ZZZ3: variants seen among roughly 807,000 people sequenced by gnomAD.
ZZZ3 encodes ZZ-type zinc finger-containing protein 3.
Under a neutral mutation model 95.2 loss-of-function variants are expected in ZZZ3, and 22 were observed. The observed-to-expected ratio is 0.23, with a 90% CI of 0.17 to 0.33. The LOEUF (loss-of-function observed/expected upper bound fraction) is 0.33. Ranked by LOEUF, ZZZ3 falls within the 10% of genes least tolerant of loss-of-function variation. The probability of loss-of-function intolerance (pLI) is 1.00; values close to 1 mark genes in which losing one functional copy is unlikely to be tolerated. For synonymous variants in ZZZ3, 335 were observed against 358.9 expected, an observed-to-expected ratio of 0.93 and a Z score of 0.75; for missense variants, 885 against 1,066.5, an observed-to-expected ratio of 0.83 and a Z score of 2.37.
intron 1 of ZZZ3, among the ~76,000 whole-genome samples, chr1:77,671,000 GT>G (rs1040709913): frequency 3.6e-5 from 5 of 138,200 alleles, no homozygotes; most frequent in East Asian, 2.5e-4. Context: ...CAGTAACACT[GT>G]TTTTTTGGGG....
rs996716118 is a variant in ZZZ3 at position 77,568,409 on chromosome 1, G to C, written c.2389C>G (p.Gln797Glu). 6.5e-7 allele frequency: 1 copy of C among 1,529,098 alleles called. No homozygotes were observed. Among genetic ancestry groups the C allele is most frequent in the Non-Finnish European group, 8.9e-7 (1 of 1,124,876 alleles). 94.7% of individuals were successfully genotyped at this position (1,529,098 alleles called of 1,614,324 possible). A position where few individuals can be genotyped will look rare whatever the true frequency, so the allele number is the denominator to read the frequency against. The change falls in exon 13 of 15, where the codon CAG becomes GAG. Residue 797 changes from glutamine (Q) to glutamate (E), a missense_variant. Transcript: ENST00000370801. ...RNLPEYKELL[Q>E]FKKLKKQKLQ... is the part of the protein sequence containing the mutation. ...TTCTGCTTCTTTAACTTTTTAAACTGTAATAGTTCTTTATATTCAGGTAAA... is the reference window on the plus strand; with the variant it reads ...TTCTGCTTCTTTAACTTTTTAAACTCTAATAGTTCTTTATATTCAGGTAAA...
chr1:77,581,300 T>C (rs1029668520), intron 8 of ZZZ3, among the ~76,000 whole-genome samples: 4 of 152,158 alleles, frequency 2.6e-5, no homozygotes, highest in Admixed American at 6.5e-5. Context: ...AATAGTACTG[T>C]AACTTCATTT....
At chr1:77,655,209 C>G (rs1670162260) in intron 1 of ZZZ3, among the ~76,000 whole-genome samples, 1 of 152,174 alleles carries the variant, frequency 6.6e-6, no homozygotes, top group Non-Finnish European at 1.5e-5. Context: ...GCAGAGACTT[C>G]ATGATCCAAT....
chr1:77,639,402 A>C (rs781493579), intron 4 of ZZZ3, 47 bp downstream of exon 4: 1 of 1,437,226 alleles, frequency 7.0e-7, no homozygotes, highest in Non-Finnish European at 9.2e-7. Flanking sequence ...AAAGAAGAAG[A>C]AGTCAAACTA....
chr1:77,647,292 G>A (rs8179507), intron 1 of ZZZ3, among the ~76,000 whole-genome samples: 10,186 of 152,236 alleles, frequency 0.067, 410 homozygotes, highest in East Asian at 0.18. Context: ...GCCAAGGCAG[G>A]CAGATCACTT....
intron 1 of ZZZ3, among the ~76,000 whole-genome samples, chr1:77,682,300 C>T (rs1322070925): frequency 2.0e-5 from 3 of 152,194 alleles, no homozygotes; most frequent in African/African-American, 7.2e-5. Flanking sequence ...ACAAGAACAT[C>T]TTAAAGTAAG....
At chr1:77,649,458 TAGAC>T (rs1409639175) in intron 1 of ZZZ3, among the ~76,000 whole-genome samples, 2 of 151,860 alleles carry the variant, frequency 1.3e-5, no homozygotes, top group African/African-American at 4.8e-5. Context: ...AAACCTATCA[TAGAC>T]AGACATGCAT....
chr1:77,565,489 G>A lies in ZZZ3; in HGVS notation c.*151C>T. ...AGTGATCTAGAGCCACAACGGTGCAGAGCTGTACTTGACGAGAACACTCAG... is the reference window on the plus strand; with the variant it reads ...AGTGATCTAGAGCCACAACGGTGCAAAGCTGTACTTGACGAGAACACTCAG... On this transcript the variant is annotated 3_prime_UTR_variant, in exon 15 of 15. Coordinates refer to ENST00000370801, the MANE Select transcript of ZZZ3 (RefSeq NM_015534.6). The A allele has an allele frequency of 1.3e-5, 10 of 740,922 alleles. No homozygotes were observed. The South Asian group carries it at 1.7e-4, about 13-fold the overall frequency. 45.9% of individuals were successfully genotyped at this position (740,922 alleles called of 1,614,324 possible).
intron 1 of ZZZ3, among the ~76,000 whole-genome samples, chr1:77,670,569 C>T (rs1247541912): frequency 6.6e-6 from 1 of 151,998 alleles, no homozygotes; most frequent in Non-Finnish European, 1.5e-5. Flanking sequence ...GCCTAGCATG[C>T]AAATTTTTAC....
intron 1 of ZZZ3, among the ~76,000 whole-genome samples, chr1:77,662,144 G>C (rs1670852088): frequency 6.6e-6 from 1 of 152,054 alleles, no homozygotes; most frequent in African/African-American, 2.4e-5. Flanking sequence ...CTCCCAAGTA[G>C]CTGCGACTAC....
At chr1:77,652,704 T>C (rs1408831198) in intron 1 of ZZZ3, among the ~76,000 whole-genome samples, 1 of 152,162 alleles carries the variant, frequency 6.6e-6, no homozygotes, top group African/African-American at 2.4e-5. Flanking sequence ...TAAAGGTCCA[T>C]CAACTGCTGA....
intron 1 of ZZZ3, among the ~76,000 whole-genome samples, chr1:77,647,419 T>C (rs530446941): frequency 6.6e-6 from 1 of 151,924 alleles, no homozygotes; most frequent in Non-Finnish European, 1.5e-5. Flanking sequence ...CTCAGGAGGC[T>C]GAGGCATGAG....
intron 5 of ZZZ3, among the ~76,000 whole-genome samples, chr1:77,608,033 G>A (rs1042075350): frequency 4.6e-5 from 7 of 152,042 alleles, no homozygotes; most frequent in Admixed American, 3.9e-4. Context: ...CCTCACAAGG[G>A]CAAATCTAAG....
intron 5 of ZZZ3, among the ~76,000 whole-genome samples, chr1:77,623,242 A>T (rs1404254303): frequency 6.6e-6 from 1 of 152,178 alleles, no homozygotes; most frequent in Non-Finnish European, 1.5e-5. Context: ...GACAGAAAAC[A>T]GTTTGGGGAA....
chr1:77,681,669 A>G (rs966529720), intron 1 of ZZZ3, among the ~76,000 whole-genome samples: 2 of 152,162 alleles, frequency 1.3e-5, no homozygotes, highest in African/African-American at 4.8e-5. Context: ...AGGCAGGTGG[A>G]TCACTTGAGG....
At chr1:77,618,824 T>A (rs563729029) in intron 5 of ZZZ3, among the ~76,000 whole-genome samples, 19 of 152,344 alleles carry the variant, frequency 1.2e-4, no homozygotes, top group African/African-American at 4.1e-4. Flanking sequence ...AAACAATCTG[T>A]CAGTGTTTTT....
rs1660581339 is a variant in ZZZ3, at chr1:77,563,430, T to C, written c.*2210A>G. 1 of 152,168 alleles carries C rather than the reference T, an allele frequency of 6.6e-6. No individual in the cohort carries two copies. Among genetic ancestry groups the C allele is most frequent in the African/African-American group, 2.4e-5 (1 of 41,434 alleles). 9.4% of individuals were successfully genotyped at this position (152,168 alleles called of 1,614,324 possible). A position where few individuals can be genotyped will look rare whatever the true frequency, so the allele number is the denominator to read the frequency against. On this transcript the variant is annotated 3_prime_UTR_variant, in exon 15 of 15. Transcript: ENST00000370801. ...GCCATGGGGGCTGTTTCCTTGGAGC[T>C]GAAAAATGCAAAACAAACACATCTT...
At chr1:77,664,953 T>G (rs1298482374) in intron 1 of ZZZ3, among the ~76,000 whole-genome samples, 1 of 152,216 alleles carries the variant, frequency 6.6e-6, no homozygotes, top group African/African-American at 2.4e-5. Flanking sequence ...TAAGACCTTA[T>G]GCTGTTTCTA....
intron 1 of ZZZ3, among the ~76,000 whole-genome samples, chr1:77,673,315 G>A (rs1017504347): frequency 2.6e-5 from 4 of 152,150 alleles, no homozygotes; most frequent in African/African-American, 7.2e-5. Context: ...TGCACTTTAC[G>A]GCCAGGCAGG....
Sources: gnomAD v4.1 joint callset for allele counts (sites outside exome capture counted in the v4.1 genomes callset) on GRCh38, gnomAD v4.1.1 for gene constraint, MANE v1.5 for transcripts, NCBI Gene and HGNC (gene_info 2026-07-23, HGNC 2026-07-21) for gene names.